BCKDHB: variants seen among roughly 807,000 people sequenced by gnomAD.
The protein encoded by BCKDHB is 2-oxoisovalerate dehydrogenase subunit beta, mitochondrial.
In BCKDHB, 41 loss-of-function variants were observed where a neutral mutation model predicts 48.5. That is an observed-to-expected ratio of 0.85 (90% CI 0.66 to 1.10). BCKDHB has a LOEUF of 1.10. Ranked by LOEUF, BCKDHB falls within the 50% of genes least tolerant of loss-of-function variation. The pLI is 0.00. For missense variants in BCKDHB, 496 were observed against 494.2 expected (o/e 1.00, Z -0.03); for synonymous variants, 201 against 174.8 (o/e 1.15, Z -1.18).
chr6:80,389,553 T>C, the BCKDHB span, among the ~76,000 whole-genome samples: 949 of 152,350 alleles, frequency 6.2e-3, 10 homozygotes, highest in African/African-American at 0.022. Flanking sequence ...TATGGACTCA[T>C]GAAATGCTTT....
intron 1 of BCKDHB, among the ~76,000 whole-genome samples, chr6:80,107,543 GCACA>G (rs1562050666): frequency 2.2e-4 from 23 of 106,600 alleles, no homozygotes; most frequent in African/African-American, 3.6e-4. Context: ...ATATATATAT[GCACA>G]CATATATATG....
intron 9 of BCKDHB, among the ~76,000 whole-genome samples, chr6:80,326,554 G>A (rs1327490979): frequency 6.6e-5 from 10 of 152,110 alleles, no homozygotes; most frequent in Non-Finnish European, 1.5e-4. Flanking sequence ...GTAGGATAGA[G>A]GACTACCCTT....
chr6:80,354,243 T>TTTATTTATTTA, the BCKDHB span, among the ~76,000 whole-genome samples: 28 of 144,392 alleles, frequency 1.9e-4, no homozygotes, highest in Non-Finnish European at 2.8e-4. Context: ...TTATTTATTT[T>TTTATTTATTTA]TTTATACAGA....
At position 80,202,885 on chromosome 6, in the gene BCKDHB, C is replaced by G. The variant is rs558111518; in HGVS notation, c.841-217C>G. 4.7e-4 allele frequency among the ~76,000 whole-genome samples: 72 copies of G among 152,212 alleles called. No homozygotes were observed. The South Asian group carries it at 0.015, about 31-fold the overall frequency. On this transcript the variant is annotated intron_variant, in intron 7 of 9. Coordinates refer to ENST00000320393, the MANE Select transcript of BCKDHB (RefSeq NM_183050.4). ...CAGTATCTGTGGTACTGACTTCTCTCTCTAAGCACCTCTTTCCATCTGTTT... is the reference window on the plus strand; with the variant it reads ...CAGTATCTGTGGTACTGACTTCTCTGTCTAAGCACCTCTTTCCATCTGTTT...
intron 1 of BCKDHB, among the ~76,000 whole-genome samples, chr6:80,121,270 G>GTAGTA (rs1244844957): frequency 5.9e-5 from 9 of 152,160 alleles, no homozygotes; most frequent in Non-Finnish European, 1.0e-4. Flanking sequence ...CTGTAGCCTT[G>GTAGTA]TAGTATAGTT....
intron 3 of BCKDHB, among the ~76,000 whole-genome samples, chr6:80,141,607 G>T (rs1007342186): frequency 2.6e-5 from 4 of 152,060 alleles, no homozygotes; most frequent in African/African-American, 9.7e-5. Context: ...TTTTAAAAAT[G>T]TTCAAATGTG....
intron 8 of BCKDHB, among the ~76,000 whole-genome samples, chr6:80,223,491 A>G (rs1775550903): frequency 6.6e-6 from 1 of 152,172 alleles, no homozygotes; most frequent in Admixed American, 6.6e-5. Flanking sequence ...AAAATAATAA[A>G]ATGACCCCTT....
chr6:80,309,216 A>G (rs1768035475), intron 9 of BCKDHB, among the ~76,000 whole-genome samples: 1 of 151,942 alleles, frequency 6.6e-6, no homozygotes, highest in African/African-American at 2.4e-5. Context: ...GGCACTTGCC[A>G]CCACACCTGG....
chr6:80,127,490 T>C, intron 1 of BCKDHB, 57 bp from the exon 2 acceptor site: 1 of 1,367,594 alleles, frequency 7.3e-7, no homozygotes, highest in Non-Finnish European at 1.0e-6. Flanking sequence ...GTTAAGAAAC[T>C]GGTTGTTTTT....
intron 9 of BCKDHB, among the ~76,000 whole-genome samples, chr6:80,310,132 A>C (rs545889079): frequency 6.6e-6 from 1 of 151,850 alleles, no homozygotes; most frequent in Admixed American, 6.6e-5. Flanking sequence ...ACATGTGCAG[A>C]ATGTGCAGGT....
chr6:80,278,748 G>A (rs1015266154), intron 9 of BCKDHB, among the ~76,000 whole-genome samples: 8 of 152,010 alleles, frequency 5.3e-5, no homozygotes, highest in African/African-American at 1.4e-4. Flanking sequence ...TAGTAGGCAC[G>A]AGGTTTCACC....
At chr6:80,137,931 TA>T (rs112757019) in intron 3 of BCKDHB, among the ~76,000 whole-genome samples, 167 of 144,360 alleles carry the variant, frequency 1.2e-3, no homozygotes, top group South Asian at 2.2e-3. Context: ...TACAAAAAAT[TA>T]AAAAAAAAAA....
At chr6:80,156,978 T>C (rs1772073953) in intron 3 of BCKDHB, among the ~76,000 whole-genome samples, 2 of 152,194 alleles carry the variant, frequency 1.3e-5, no homozygotes, top group Non-Finnish European at 2.9e-5. Context: ...AGTTTTGTTT[T>C]GTATGTATTA....
intron 8 of BCKDHB, among the ~76,000 whole-genome samples, chr6:80,269,319 T>C (rs1777638165): frequency 6.6e-6 from 1 of 152,164 alleles, no homozygotes; most frequent in African/African-American, 2.4e-5. Context: ...TGTGATAGTA[T>C]GCCACTAATG....
chr6:80,107,846 GTC>G (rs540812094), intron 1 of BCKDHB, among the ~76,000 whole-genome samples: 141 of 152,166 alleles, frequency 9.3e-4, no homozygotes, highest in South Asian at 7.9e-3. Context: ...TTCATGTAAT[GTC>G]TCTCATCAGA....
chr6:80,183,855 G>C lies in BCKDHB; in HGVS notation c.742+12465G>C, dbSNP rs139762711. Reference sequence around the variant, plus strand: ...AATTATGCAGTATGAAACCTTTTCAGATTGGCTTCCTTCACTTAGTACTAT... The same window carrying C: ...AATTATGCAGTATGAAACCTTTTCACATTGGCTTCCTTCACTTAGTACTAT... On this transcript the variant is annotated intron_variant, in intron 6 of 9. Coordinates refer to ENST00000320393, the MANE Select transcript of BCKDHB (RefSeq NM_183050.4). 1.7e-3 allele frequency among the ~76,000 whole-genome samples: 265 copies of C among 152,242 alleles called. 1 individual carries two copies. The highest frequency in any genetic ancestry group is 6.0e-3 in the African/African-American group (251 of 41,560).
the BCKDHB span, among the ~76,000 whole-genome samples, chr6:80,445,633 A>T: frequency 6.6e-6 from 1 of 152,186 alleles, no homozygotes; most frequent in African/African-American, 2.4e-5. Context: ...AATATACCTA[A>T]AGTATCATAA....
At chr6:80,404,623 C>T in the BCKDHB span, among the ~76,000 whole-genome samples, 2 of 151,692 alleles carry the variant, frequency 1.3e-5, no homozygotes, top group Admixed American at 1.3e-4. Context: ...TTAGTTTGTT[C>T]TTCTTTATCT....
chr6:80,356,399 A>G, the BCKDHB span: 6 of 152,208 alleles, frequency 3.9e-5, no homozygotes, highest in East Asian at 9.6e-4. Context: ...GTGGTTTGTG[A>G]TTTATGGTAT....
Sources: allele counts gnomAD v4.1 joint callset (sites outside exome capture counted in the v4.1 genomes callset), GRCh38; gene constraint gnomAD v4.1.1; transcripts MANE v1.5; gene names NCBI Gene and HGNC (gene_info 2026-07-23, HGNC 2026-07-21).